Variants in MYT1L observed in about 807,000 individuals in gnomAD.
The protein encoded by MYT1L is myelin transcription factor 1-like protein.
MYT1L carries 12 observed loss-of-function variants against 126.7 expected under a neutral mutation model. The observed-to-expected ratio is 0.09, with a 90% CI of 0.06 to 0.15. The LOEUF (loss-of-function observed/expected upper bound fraction) is 0.15. Among genes scored for constraint, MYT1L ranks in the 10% least tolerant of loss-of-function variants. The pLI is 1.00. For missense variants in MYT1L, 979 were observed against 1,585.2 expected, an observed-to-expected ratio of 0.62 and a Z score of 6.49; for synonymous variants, 541 against 604.2, an observed-to-expected ratio of 0.90 and a Z score of 1.53.
intron 2 of MYT1L, among the ~76,000 whole-genome samples, chr2:2,201,617 G>C (rs2093075349): frequency 6.6e-6 from 1 of 151,616 alleles, no homozygotes; most frequent in African/African-American, 2.4e-5. Flanking sequence ...AGAATCACTT[G>C]AACCCAGGAG....
chr2:2,211,328 A>G (rs2093497570), intron 2 of MYT1L, among the ~76,000 whole-genome samples: 1 of 152,212 alleles, frequency 6.6e-6, no homozygotes, highest in African/African-American at 2.4e-5. Flanking sequence ...TCCATAGGAC[A>G]AGGTTCTTTT....
intron 3 of MYT1L, among the ~76,000 whole-genome samples, chr2:2,102,604 ATGTGTGTGTGTGTGTGTGTGTG>A (rs3047992): frequency 7.0e-6 from 1 of 143,012 alleles, no homozygotes; most frequent in Admixed American, 7.0e-5. Context: ...CCTCTTGGGA[ATGTGTGTGTGTGTGTGTGTGTG>A]TGTGTGTGTG....
chr2:2,118,293 A>G lies in MYT1L; in HGVS notation c.-304+54579T>C, dbSNP rs762644863. ...TATTTAATATGAAGAATTGCTTAAA[A>G]TTTTTCAAGCATAAGTTGAAGTATA... On this transcript the variant is annotated intron_variant, in intron 3 of 24. Transcript: ENST00000647738. 4.9e-4 allele frequency among the ~76,000 whole-genome samples: 75 copies of G among 152,212 alleles called. No homozygotes were observed. The Middle Eastern group carries it at 0.017, about 35-fold the overall frequency.
At chr2:2,187,426 C>A (rs1312817601) in intron 2 of MYT1L, among the ~76,000 whole-genome samples, 1 of 151,964 alleles carries the variant, frequency 6.6e-6, no homozygotes, top group Non-Finnish European at 1.5e-5. Context: ...AACCATCAGG[C>A]CTTAATTACA....
At chr2:2,295,779 TAGAGAGACAGACAGAGAGAGAGAGAGAG>T (rs2149493346) in intron 1 of MYT1L, among the ~76,000 whole-genome samples, 1 of 36,522 alleles carries the variant, frequency 2.7e-5, no homozygotes, top group Admixed American at 2.4e-4. Context: ...GAGAGAGAGA[TAGAGAGACAGACAGAGAGAGAGAGAGAG>T]AGAGAGACAG....
chr2:1,911,324 C>T (rs1453537259), intron 12 of MYT1L, among the ~76,000 whole-genome samples: 1 of 152,066 alleles, frequency 6.6e-6, no homozygotes, highest in Non-Finnish European at 1.5e-5. Context: ...TTTACGTGAA[C>T]TCATAAAACC....
chr2:2,264,980 T>C (rs1190456679), intron 2 of MYT1L, among the ~76,000 whole-genome samples: 1 of 152,050 alleles, frequency 6.6e-6, no homozygotes, highest in Non-Finnish European at 1.5e-5. Flanking sequence ...TCCTGCTCTA[T>C]AACTTACTGG....
At chr2:2,245,331 A>G (rs1348197415) in intron 2 of MYT1L, among the ~76,000 whole-genome samples, 3 of 151,966 alleles carry the variant, frequency 2.0e-5, no homozygotes, top group African/African-American at 7.2e-5. Flanking sequence ...GTCCTGGAGA[A>G]GGAGGTAGAC....
intron 1 of MYT1L, among the ~76,000 whole-genome samples, chr2:2,327,948 A>T (rs1441779983): frequency 6.6e-6 from 1 of 152,220 alleles, no homozygotes; most frequent in Non-Finnish European, 1.5e-5. Flanking sequence ...TTCTAAAATA[A>T]TGTCTCTCCC....
chr2:2,031,738 G>T lies in MYT1L; in HGVS notation c.-158+22240C>A, dbSNP rs374402905. 4.3e-5 allele frequency among the ~76,000 whole-genome samples: 6 copies of T among 139,726 alleles called. No homozygotes were observed. In the East Asian group the frequency reaches 6.8e-4, roughly 16 times the overall value. 91.7% of individuals were successfully genotyped at this position (139,726 alleles called of 152,430 possible). On this transcript the variant is annotated intron_variant, in intron 4 of 24. Coordinates refer to ENST00000647738, the MANE Select transcript of MYT1L (RefSeq NM_001303052.2). The stretch of plus-strand genomic sequence containing the variant: ...CCTCACCAATGCCTCTCATCCTGTC[G>T]CCCAGAGCAGATTCGAGAAGGAGGG...
At chr2:2,105,423 C>T (rs1559025472) in intron 3 of MYT1L, among the ~76,000 whole-genome samples, 1 of 152,168 alleles carries the variant, frequency 6.6e-6, no homozygotes, top group South Asian at 2.1e-4. Context: ...ATATCTGTTG[C>T]CCCCTCTTTT....
At chr2:1,903,691 A>T (rs2050641782) in intron 13 of MYT1L, among the ~76,000 whole-genome samples, 1 of 152,202 alleles carries the variant, frequency 6.6e-6, no homozygotes, top group Non-Finnish European at 1.5e-5. Context: ...TCGATAAAAA[A>T]TCCCCCTTAA....
At chr2:2,010,330 C>T (rs2063709956) in intron 4 of MYT1L, among the ~76,000 whole-genome samples, 1 of 152,138 alleles carries the variant, frequency 6.6e-6, no homozygotes, top group South Asian at 2.1e-4. Flanking sequence ...TGTTTTCCCC[C>T]TAGACCTAGA....
intron 4 of MYT1L, among the ~76,000 whole-genome samples, chr2:2,012,554 T>C (rs1016223866): frequency 6.6e-6 from 1 of 152,236 alleles, no homozygotes; most frequent in African/African-American, 2.4e-5. Flanking sequence ...GTGACTATCA[T>C]AGGCCCGCTT....
intron 8 of MYT1L, among the ~76,000 whole-genome samples, chr2:1,947,732 A>G (rs961980086): frequency 1.3e-5 from 2 of 152,138 alleles, no homozygotes; most frequent in South Asian, 2.1e-4. Context: ...GCAAGAGTAG[A>G]AAAAAAATAG....
At chr2:2,253,313 C>T (rs372842461) in intron 2 of MYT1L, among the ~76,000 whole-genome samples, 33 of 152,324 alleles carry the variant, frequency 2.2e-4, no homozygotes, top group South Asian at 1.0e-3. Context: ...ACAGTGACTT[C>T]GCCTTGAAGG....
intron 1 of MYT1L, among the ~76,000 whole-genome samples, chr2:2,300,059 T>G (rs2095759913): frequency 6.6e-6 from 1 of 152,212 alleles, no homozygotes. Context: ...TAAGGCTTTA[T>G]ATCAGGAAAA....
At chr2:2,301,288 C>T (rs1263992255) in intron 1 of MYT1L, among the ~76,000 whole-genome samples, 1 of 152,160 alleles carries the variant, frequency 6.6e-6, no homozygotes, top group African/African-American at 2.4e-5. Flanking sequence ...TTCATTTCCT[C>T]TCTATATAAG....
intron 3 of MYT1L, among the ~76,000 whole-genome samples, chr2:2,116,984 TGG>T (rs1162554741): frequency 6.6e-6 from 1 of 152,194 alleles, no homozygotes; most frequent in Non-Finnish European, 1.5e-5. Flanking sequence ...GTGAGGGCAG[TGG>T]GAGAGCTATG....
Sources: allele counts gnomAD v4.1 joint callset (sites outside exome capture counted in the v4.1 genomes callset), GRCh38; gene constraint gnomAD v4.1.1; transcripts MANE v1.5; gene names NCBI Gene and HGNC (gene_info 2026-07-23, HGNC 2026-07-21).